TMTC1: variants seen among roughly 807,000 people sequenced by gnomAD.
TMTC1 encodes protein O-mannosyl-transferase TMTC1.
In TMTC1, 73 loss-of-function variants were observed where a neutral mutation model predicts 104.8. The observed-to-expected ratio is 0.70, with a 90% confidence interval of 0.58 to 0.85. TMTC1 has a LOEUF of 0.85. Among genes scored for constraint, TMTC1 ranks in the 40% least tolerant of loss-of-function variants. The pLI, the probability that TMTC1 is intolerant of heterozygous loss-of-function variation, is 0.00. For synonymous variants in TMTC1, 434 were observed against 428.7 expected, an observed-to-expected ratio of 1.01 and a Z score of -0.15; for missense variants, 1,035 against 1,096.1, an observed-to-expected ratio of 0.94 and a Z score of 0.79.
At chr12:29,591,508 A>G (rs1250517454) in intron 7 of TMTC1, among the ~76,000 whole-genome samples, 1 of 152,138 alleles carries the variant, frequency 6.6e-6, no homozygotes, top group Non-Finnish European at 1.5e-5. Context: ...CCAAAGCCAA[A>G]CTCAGGCTGC....
intron 11 of TMTC1, among the ~76,000 whole-genome samples, chr12:29,530,950 T>C (rs547967861): frequency 6.6e-6 from 1 of 152,322 alleles, no homozygotes; most frequent in East Asian, 1.9e-4. Context: ...GGTAACCCTT[T>C]GGCAACCATC....
rs1157016432 is a variant in TMTC1, at chr12:29,536,321, T to C, written c.1677-4A>G. 33 of 1,569,154 alleles carry C rather than the reference T, an allele frequency of 2.1e-5. No individual in the cohort carries two copies. The highest frequency in any genetic ancestry group is 2.6e-5 in the Non-Finnish European group (30 of 1,143,710). On this transcript the variant is annotated splice_polypyrimidine_tract_variant and splice_region_variant and intron_variant, in intron 10 of 17. Coordinates refer to ENST00000539277, the MANE Select transcript of TMTC1 (RefSeq NM_001193451.2). ...TTCTTCCTTTTTCTCCTGGGACCTA[T>C]AGATAATAATGAAGGGGTGGGGGAG...
At chr12:29,559,524 G>A (rs1000171087) in intron 9 of TMTC1, among the ~76,000 whole-genome samples, 2 of 152,200 alleles carry the variant, frequency 1.3e-5, no homozygotes, top group Non-Finnish European at 2.9e-5. Context: ...AAGAAGAGAA[G>A]TAAAGAGAAA....
At chr12:29,566,733 C>A (rs12826911) in intron 9 of TMTC1, among the ~76,000 whole-genome samples, 2,567 of 152,290 alleles carry the variant, frequency 0.017, 58 homozygotes, top group South Asian at 0.078. Flanking sequence ...TCATTGCTTA[C>A]GGATATTGCT....
chr12:29,670,221 T>C (rs544045643), intron 5 of TMTC1, among the ~76,000 whole-genome samples: 11 of 152,344 alleles, frequency 7.2e-5, no homozygotes, highest in East Asian at 5.8e-4. Context: ...AATTCAAGTA[T>C]AATTAAGCTA....
rs949712111 is a variant in TMTC1 at position 29,783,496 on chromosome 12, T to G, written c.256A>C (p.Asn86His). The change falls in exon 1 of 18, where the codon AAC (asparagine) becomes CAC (histidine). Residue 86 changes from asparagine to histidine, a missense_variant. Coordinates refer to ENST00000539277, the MANE Select transcript of TMTC1 (RefSeq NM_001193451.2). The surrounding 1 kb of genome is among the most constrained non-coding windows in gnomAD (Gnocchi z 4.7). ...NDFWGKGMAE[N>H]TSHKSYRPLC... ...GGCCGGTAGGACTTGTGGCTGGTGT[T>G]CTCGGCCATGCCCTTGCCCCAGAAG... 12 of 1,401,580 alleles carry G rather than the reference T, an allele frequency of 8.6e-6. No individual in the cohort carries two copies. In the Admixed American group the frequency reaches 1.6e-4, roughly 19 times the overall value. 86.8% of individuals were successfully genotyped at this position (1,401,580 alleles called of 1,614,324 possible).
intron 1 of TMTC1, among the ~76,000 whole-genome samples, chr12:29,779,959 G>A (rs1413850820): frequency 6.6e-6 from 1 of 152,166 alleles, no homozygotes; most frequent in Non-Finnish European, 1.5e-5. Flanking sequence ...ATATATAGGT[G>A]TGATATCACT....
intron 5 of TMTC1, among the ~76,000 whole-genome samples, chr12:29,653,092 T>A (rs111696072): frequency 0.047 from 7,109 of 149,854 alleles, 193 homozygotes; most frequent in Admixed American, 0.066. Flanking sequence ...TTATATATAT[T>A]TTTTATTTAT....
In TMTC1 at chr12:29,583,545, C is replaced by T. The variant is rs1946042079; in HGVS notation, c.1280G>A (p.Gly427Glu). 6.2e-7 allele frequency: 1 copy of T among 1,613,384 alleles called. No individual in the cohort carries two copies. The highest frequency in any genetic ancestry group is 8.5e-7 in the Non-Finnish European group (1 of 1,179,706). Residue 427 changes from glycine to glutamate, a missense_variant, in exon 8 of 18, where the codon GGA becomes GAA. Gly to Glu is a moderately conservative substitution (Grantham distance 98, BLOSUM62 -2). Coordinates refer to ENST00000539277, the MANE Select transcript of TMTC1 (RefSeq NM_001193451.2). ...CAGCCAAGTGCAGAGCTTGCTCAGTCCATGCACAAAAAGGATGCAGTAGCC... is the reference window on the plus strand; with the variant it reads ...CAGCCAAGTGCAGAGCTTGCTCAGTTCATGCACAAAAAGGATGCAGTAGCC... ...SMGYCILFVH[G>E]LSKLCTWLNR...
chr12:29,555,432 G>A (rs527405461), intron 10 of TMTC1, among the ~76,000 whole-genome samples: 4 of 151,876 alleles, frequency 2.6e-5, no homozygotes, highest in Admixed American at 6.6e-5. Flanking sequence ...CCATCAACCC[G>A]TCATCTACAT....
At chr12:29,590,831 T>C (rs900200596) in intron 7 of TMTC1, among the ~76,000 whole-genome samples, 2 of 152,062 alleles carry the variant, frequency 1.3e-5, no homozygotes, top group Admixed American at 6.6e-5. Context: ...CAAAACCCAC[T>C]TGTAACTGCT....
intron 6 of TMTC1, among the ~76,000 whole-genome samples, chr12:29,626,860 G>A (rs1394058608): frequency 6.6e-6 from 1 of 152,120 alleles, no homozygotes; most frequent in Non-Finnish European, 1.5e-5. Flanking sequence ...CAGCACTTTG[G>A]GAGGCCATGG....
At chr12:29,513,884 G>C (rs1430828905) in intron 16 of TMTC1, among the ~76,000 whole-genome samples, 1 of 152,034 alleles carries the variant, frequency 6.6e-6, no homozygotes, top group Non-Finnish European at 1.5e-5. Flanking sequence ...TGCACACACA[G>C]AGACACACAC....
intron 5 of TMTC1, among the ~76,000 whole-genome samples, chr12:29,670,107 G>A (rs959196594): frequency 2.6e-5 from 4 of 152,222 alleles, no homozygotes; most frequent in Non-Finnish European, 1.5e-5. Context: ...ATACACATTT[G>A]TGTAAGTGCA....
chr12:29,679,623 A>C (rs904233889), intron 5 of TMTC1, among the ~76,000 whole-genome samples: 1 of 150,352 alleles, frequency 6.7e-6, no homozygotes, highest in Non-Finnish European at 1.5e-5. Context: ...TAAAGGAAAA[A>C]TGTGTACAAC....
intron 5 of TMTC1, among the ~76,000 whole-genome samples, chr12:29,644,739 G>C (rs949060266): frequency 2.0e-5 from 3 of 152,064 alleles, no homozygotes; most frequent in African/African-American, 7.2e-5. Context: ...GCTGAGTGTA[G>C]TTAGCAGTTC....
chr12:29,540,926 C>T (rs1944779931), intron 10 of TMTC1, among the ~76,000 whole-genome samples: 1 of 151,528 alleles, frequency 6.6e-6, no homozygotes, highest in Non-Finnish European at 1.5e-5. Flanking sequence ...ACCTGGGAGG[C>T]GGAGCTTGCA....
At chr12:29,733,936 A>G (rs1007694171) in intron 5 of TMTC1, among the ~76,000 whole-genome samples, 2 of 152,184 alleles carry the variant, frequency 1.3e-5, no homozygotes, top group Non-Finnish European at 1.5e-5. Flanking sequence ...TTTCCACAAC[A>G]TATTAATGCA....
chr12:29,637,537 A>G (rs1456510202), intron 5 of TMTC1, among the ~76,000 whole-genome samples: 1 of 152,206 alleles, frequency 6.6e-6, no homozygotes, highest in Non-Finnish European at 1.5e-5. Context: ...AGAAAAGAGT[A>G]AAGAGGTTTC....
Sources: gnomAD v4.1 joint callset for allele counts (sites outside exome capture counted in the v4.1 genomes callset) on GRCh38, gnomAD v4.1.1 for gene constraint, Gnocchi (gnomAD v3.1) non-coding constraint, MANE v1.5 for transcripts, NCBI Gene and HGNC (gene_info 2026-07-23, HGNC 2026-07-21) for gene names.